PRKDC: variants seen among roughly 807,000 people sequenced by gnomAD.
PRKDC encodes the protein DNA-dependent protein kinase catalytic subunit.
A neutral mutation model predicts 486.9 loss-of-function variants in PRKDC; 82 were observed. The ratio of observed to expected loss-of-function variants is 0.17; its 90% CI spans 0.14 to 0.20. The LOEUF (loss-of-function observed/expected upper bound fraction) is 0.20, where lower values mean the gene tolerates loss of function less well. PRKDC is among the 10% of genes least tolerant of loss of function. The pLI, the probability that PRKDC is intolerant of heterozygous loss-of-function variation, is 1.00. For missense variants in PRKDC, 4,504 were observed against 5,038.2 expected, an observed-to-expected ratio of 0.89 and a Z score of 3.21; for synonymous variants, 1,895 against 1,837.0, an observed-to-expected ratio of 1.03 and a Z score of -0.81.
At position 47,782,906 on chromosome 8, in the gene PRKDC, TACTC is replaced by T. The variant is rs1347485300; in HGVS notation, c.11176-312_11176-309del. The stretch of plus-strand genomic sequence containing the variant: ...AATGCTACACATATTTTATAGTGGA[TACTC>T]ACACACAGCTTACTCTTTGAGTTTA... On this transcript the variant is annotated intron_variant, in intron 78 of 85. Coordinates refer to ENST00000314191, the MANE Select transcript of PRKDC (RefSeq NM_006904.7). This position sits in a 1 kb window ranked among gnomAD's most constrained non-coding sequence, Gnocchi z 4.9. The T allele has an allele frequency of 2.4e-6, 1 of 411,282 alleles. No homozygotes were observed. The highest frequency in any genetic ancestry group is 2.0e-5 in the African/African-American group (1 of 49,968). The allele number at this position is 411,282 out of a possible 1,614,324, so 25.5% of individuals were successfully genotyped here. A position where few individuals can be genotyped will look rare whatever the true frequency, so the allele number is the denominator to read the frequency against.
At chr8:47,847,155 A>G (rs2088285651) in intron 54 of PRKDC, among the ~76,000 whole-genome samples, 1 of 152,238 alleles carries the variant, frequency 6.6e-6, no homozygotes, top group Admixed American at 6.5e-5. Flanking sequence ...TAAAATTCAT[A>G]TGAAACCAAA....
chr8:47,881,626 T>G, intron 37 of PRKDC, 106 bp from the exon 38 acceptor site: 1 of 681,228 alleles, frequency 1.5e-6, no homozygotes, highest in Non-Finnish European at 2.4e-6. Flanking sequence ...GTTAATTTAA[T>G]TTTGGGCTTC....
chr8:47,774,183 G>T lies in PRKDC; in HGVS notation c.12377C>A (p.Pro4126His). The T allele has an allele frequency of 6.3e-7, 1 of 1,575,894 alleles. No homozygotes were observed. Among genetic ancestry groups the T allele is most frequent in the Non-Finnish European group, 8.6e-7 (1 of 1,160,032 alleles). ...AGACTCCCACAGACCTCACATCCAGGGCTCCCATCCTTCCCAGGTTCTGCC... is the reference window on the plus strand; with the variant it reads ...AGACTCCCACAGACCTCACATCCAGTGCTCCCATCCTTCCCAGGTTCTGCC... Reference protein sequence around the residue: ...ILGRTWEGWEPWM With the variant: ...ILGRTWEGWEHWM Residue 4126 changes from proline (P) to histidine (H), a missense_variant, in exon 86 of 86, where the codon CCC (proline) becomes CAC (histidine). Physicochemically the swap from Pro to His is moderately conservative, Grantham distance 77. Transcript: ENST00000314191.
At position 47,929,150 on chromosome 8, in the gene PRKDC, G is replaced by A. The variant is rs2090207455; in HGVS notation, c.2081C>T (p.Ser694Phe). 1 of 1,578,364 alleles carries A rather than the reference G, an allele frequency of 6.3e-7. No individual in the cohort carries two copies. Reference protein sequence around the residue: ...EGVSPKSLKHSPEDPEKYSCF... With the variant: ...EGVSPKSLKHFPEDPEKYSCF... ...AGAATACTTTTCTGGGTCTTCAGGA[G>A]AGTGTTTCAGACTCTTTGGACTAAC... Residue 694 changes from serine to phenylalanine, a missense_variant, in exon 19 of 86, where the codon TCT becomes TTT. Around this residue, in one of 6 missense-constraint regions of PRKDC, gnomAD observed 1,969 missense variants for 2,068.9 expected, o/e 0.95. Transcript: ENST00000314191.
Position 47,840,101 on chromosome 8 carries a change from G to A in PRKDC, c.7369C>T (p.Pro2457Ser), listed in dbSNP as rs763641731. 2.1e-5 allele frequency: 34 copies of A among 1,586,306 alleles called. No homozygotes were observed. The highest frequency in any genetic ancestry group is 2.9e-5 in the Non-Finnish European group (34 of 1,164,374). ...GGATGGGAAACGAATTCCACAACGG[G>A]GTTCAGAAGTTCTCGGAGTTCTACT... ...KPVELRELLN[P>S]VVEFVSHPST... Residue 2457 changes from proline (P) to serine (S), a missense_variant, in exon 55 of 86, where the codon CCC (proline) becomes TCC (serine). This residue lies in a region of PRKDC where 1,592 missense variants were observed against 1,724.6 expected (regional missense o/e 0.92). Transcript: ENST00000314191.
chr8:47,824,165 C>T (rs892523826), intron 63 of PRKDC, among the ~76,000 whole-genome samples, 169 bp from the exon 64 acceptor site: 2 of 151,974 alleles, frequency 1.3e-5, no homozygotes, highest in African/African-American at 4.8e-5. Flanking sequence ...TATGAAGTTG[C>T]CCTTAGGTTT....
Position 47,879,646 on chromosome 8 carries a change from T to C in PRKDC, c.5080A>G (p.Thr1694Ala). Residue 1694 changes from threonine to alanine, a missense_variant, in exon 39 of 86, where the codon ACT (threonine) becomes GCT (alanine). By Grantham distance (58) the Thr-to-Ala change is moderately conservative. Around this residue, in one of 6 missense-constraint regions of PRKDC, gnomAD observed 1,969 missense variants for 2,068.9 expected, o/e 0.95. Coordinates refer to ENST00000314191, the MANE Select transcript of PRKDC (RefSeq NM_006904.7). ...AGGCTGGTGAAGAATGGAAGAAGAG[T>C]GACAGCTTGGCCCTGTGGAGCAAGA... is the stretch of plus-strand genomic sequence containing the variant. The part of the protein sequence containing the change: ...LDLHLKGQAV[T>A]LLPFFTSLTG... 1 of 1,578,072 alleles carries C rather than the reference T, an allele frequency of 6.3e-7. No individual in the cohort carries two copies.
chr8:47,886,109 C>T lies in PRKDC; in HGVS notation c.4611G>A (p.Val1537=). The part of the protein sequence containing the change: ...RLVSLLLNPA[V]LSTASLGSSQ... ...AGCTGCCCAAGGACGCCGTGGACAG[C>T]ACCGCTGGGTTCAGGAGAAGACTCA... Residue 1537 remains valine (V), a synonymous_variant, in exon 36 of 86, where the codon GTG becomes GTA. Transcript: ENST00000314191. The T allele has an allele frequency of 6.2e-7, 1 of 1,613,138 alleles. No homozygotes were observed. Among genetic ancestry groups the T allele is most frequent in the Non-Finnish European group, 8.5e-7 (1 of 1,179,756 alleles).
chr8:47,827,582 C>T (rs1480346387), intron 62 of PRKDC, among the ~76,000 whole-genome samples: 6 of 152,188 alleles, frequency 3.9e-5, no homozygotes, highest in African/African-American at 1.4e-4. Flanking sequence ...ACACACCCTA[C>T]CCCATCAAGA....
chr8:47,916,878 A>C (rs1243961931), intron 22 of PRKDC, among the ~76,000 whole-genome samples: 1 of 152,212 alleles, frequency 6.6e-6, no homozygotes, highest in Non-Finnish European at 1.5e-5. Context: ...TAACGGAGTA[A>C]AAATAGCTTT....
intron 80 of PRKDC, among the ~76,000 whole-genome samples, chr8:47,780,247 T>C (rs1035590545): frequency 7.2e-5 from 11 of 152,186 alleles, no homozygotes; most frequent in African/African-American, 2.7e-4. Context: ...TTCCAATAGG[T>C]AGATATACAC....
chr8:47,774,375 T>C lies in PRKDC; in HGVS notation c.12185A>G (p.Asp4062Gly), dbSNP rs765767575. The C allele has an allele frequency of 1.2e-6, 2 of 1,611,670 alleles. No homozygotes were observed. Among genetic ancestry groups the C allele is most frequent in the East Asian group, 4.5e-5 (2 of 44,860 alleles). Residue 4062 changes from aspartate to glycine, a missense_variant and splice_region_variant, in exon 86 of 86, where the codon GAT (aspartate) becomes GGT (glycine). Asp to Gly is a moderately conservative substitution (Grantham distance 94). Transcript: ENST00000314191. ...CTTCTCATGACCCAGGAGTAGCTCATCACTGGAAAAAAAACAAACACAGAA... is the reference window on the plus strand; with the variant it reads ...CTTCTCATGACCCAGGAGTAGCTCACCACTGGAAAAAAAACAAACACAGAA... Reference protein sequence around the residue: ...AGANPAVITCDELLLGHEKAP... With the variant: ...AGANPAVITCGELLLGHEKAP...
chr8:47,944,137 C>A, intron 7 of PRKDC, 108 bp from the exon 8 acceptor site: 1 of 907,480 alleles, frequency 1.1e-6, no homozygotes, highest in South Asian at 1.6e-5. Flanking sequence ...CTTGTGAATT[C>A]AGGAGAAACA....
chr8:47,832,122 GGCC>G (rs1368134714), intron 59 of PRKDC, among the ~76,000 whole-genome samples, 196 bp from the exon 60 acceptor site: 2 of 152,202 alleles, frequency 1.3e-5, no homozygotes, highest in African/African-American at 4.8e-5. Flanking sequence ...GCGCTGAACG[GGCC>G]AGGCCCCTCC....
chr8:47,902,277 CA>C (rs1448196536), intron 27 of PRKDC, among the ~76,000 whole-genome samples: 1 of 152,208 alleles, frequency 6.6e-6, no homozygotes, highest in Non-Finnish European at 1.5e-5. Flanking sequence ...CAAACTTGCT[CA>C]CCCTGGATCA....
intron 48 of PRKDC, among the ~76,000 whole-genome samples, chr8:47,858,117 G>A (rs760211467): frequency 5.3e-5 from 8 of 151,950 alleles, no homozygotes; most frequent in Non-Finnish European, 8.8e-5. Context: ...CCTACCTCAC[G>A]AACTCAGCAA....
intron 7 of PRKDC, among the ~76,000 whole-genome samples, chr8:47,953,188 G>C (rs879524789): frequency 6.6e-6 from 1 of 151,940 alleles, no homozygotes; most frequent in Admixed American, 6.6e-5. Flanking sequence ...CGTGCCTATA[G>C]TCCCAGCTAT....
intron 25 of PRKDC, among the ~76,000 whole-genome samples, chr8:47,908,851 C>A (rs998387722): frequency 6.6e-6 from 1 of 152,132 alleles, no homozygotes; most frequent in African/African-American, 2.4e-5. Context: ...ATTTATAGTT[C>A]GTTTTTCCTT....
intron 36 of PRKDC, 76 bp from the exon 37 acceptor site, chr8:47,882,173 C>A: frequency 1.5e-6 from 2 of 1,336,304 alleles, no homozygotes; most frequent in South Asian, 1.3e-5. Flanking sequence ...ACCTTTATTT[C>A]AAAGCTATTC....
Sources: gnomAD v4.1 joint callset for allele counts (sites outside exome capture counted in the v4.1 genomes callset) on GRCh38, gnomAD v4.1.1 for gene constraint, gnomAD v4.1.1 regional missense constraint, Gnocchi (gnomAD v3.1) non-coding constraint, MANE v1.5 for transcripts, NCBI Gene and HGNC (gene_info 2026-07-23, HGNC 2026-07-21) for gene names.